CACNA2D3: variants seen among roughly 807,000 people sequenced by gnomAD.
CACNA2D3 encodes the protein voltage-dependent calcium channel subunit alpha-2/delta-3.
A neutral mutation model predicts 160.6 loss-of-function variants in CACNA2D3; 60 were observed. The observed-to-expected ratio is 0.37, with a 90% confidence interval of 0.30 to 0.46. The LOEUF is 0.46. Among genes scored for constraint, CACNA2D3 ranks in the 20% least tolerant of loss-of-function variants. The pLI is 1.00. For synonymous variants in CACNA2D3, 558 were observed against 492.9 expected (o/e 1.13, Z -1.75); for missense variants, 1,205 against 1,365.0 (o/e 0.88, Z 1.85).
intron 11 of CACNA2D3, among the ~76,000 whole-genome samples, chr3:54,655,788 G>A (rs1229787172): frequency 6.6e-6 from 1 of 152,176 alleles, no homozygotes; most frequent in African/African-American, 2.4e-5. Context: ...GAGCCTGTCT[G>A]TATTAGTGAA....
chr3:54,945,830 T>C (rs1918071), intron 27 of CACNA2D3, among the ~76,000 whole-genome samples: 26,369 of 152,142 alleles, frequency 0.17, 2,738 homozygotes, highest in African/African-American at 0.29. Context: ...AGAGAAGTTA[T>C]TTCTGCCAGG....
At chr3:54,302,078 C>T (rs55773956) in intron 2 of CACNA2D3, among the ~76,000 whole-genome samples, 12,775 of 152,256 alleles carry the variant, frequency 0.084, 763 homozygotes, top group South Asian at 0.13. Flanking sequence ...TGTAAGTTAG[C>T]ATTGGTGTGT....
At chr3:54,264,042 G>C (rs1372018997) in intron 2 of CACNA2D3, among the ~76,000 whole-genome samples, 2 of 152,298 alleles carry the variant, frequency 1.3e-5, no homozygotes, top group Non-Finnish European at 2.9e-5. Flanking sequence ...AGAAGGAAGA[G>C]ACCCAGCAGC....
intron 13 of CACNA2D3, among the ~76,000 whole-genome samples, chr3:54,794,794 C>T (rs1702834514): frequency 6.6e-6 from 1 of 152,000 alleles, no homozygotes; most frequent in African/African-American, 2.4e-5. Flanking sequence ...TCCCCTAAAC[C>T]TATGTGCCTT....
chr3:55,018,162 G>A (rs1320336217), intron 34 of CACNA2D3, 44 bp from the exon 35 acceptor site: 2 of 1,273,144 alleles, frequency 1.6e-6, no homozygotes, highest in African/African-American at 1.5e-5. Context: ...TTTTGAGCCT[G>A]TGCCTTGCAT....
At chr3:54,158,869 T>A (rs900929607) in intron 2 of CACNA2D3, among the ~76,000 whole-genome samples, 1 of 152,262 alleles carries the variant, frequency 6.6e-6, no homozygotes, top group Non-Finnish European at 1.5e-5. Flanking sequence ...TCATTTGTCC[T>A]ACCTCTGTGC....
intron 4 of CACNA2D3, among the ~76,000 whole-genome samples, chr3:54,420,386 A>T (rs564605472): frequency 2.6e-5 from 4 of 152,322 alleles, no homozygotes; most frequent in African/African-American, 4.8e-5. Flanking sequence ...CCTTGTCCCT[A>T]TTCAGCTTTT....
At chr3:54,941,017 A>T (rs185480300) in intron 27 of CACNA2D3, among the ~76,000 whole-genome samples, 1 of 145,638 alleles carries the variant, frequency 6.9e-6, no homozygotes, top group East Asian at 2.0e-4. Flanking sequence ...AAAACTTGAT[A>T]AGGCAATCCT....
intron 11 of CACNA2D3, among the ~76,000 whole-genome samples, chr3:54,730,043 T>C (rs1321436388): frequency 6.6e-6 from 1 of 152,072 alleles, no homozygotes; most frequent in Non-Finnish European, 1.5e-5. Context: ...GGAGGCCTTT[T>C]TATTTTCATT....
At chr3:54,269,383 C>A (rs1288339378) in intron 2 of CACNA2D3, among the ~76,000 whole-genome samples, 1 of 152,056 alleles carries the variant, frequency 6.6e-6, no homozygotes, top group African/African-American at 2.4e-5. Context: ...TCCTCTTTCT[C>A]CCATCCCTTT....
chr3:55,031,974 C>A (rs115650260), intron 35 of CACNA2D3, among the ~76,000 whole-genome samples: 33 of 152,208 alleles, frequency 2.2e-4, no homozygotes, highest in Admixed American at 1.1e-3. Flanking sequence ...AGTAGGTTGC[C>A]CCTGCAATCT....
intron 29 of CACNA2D3, among the ~76,000 whole-genome samples, chr3:54,972,527 C>T (rs1473476657): frequency 6.6e-6 from 1 of 151,772 alleles, no homozygotes; most frequent in Non-Finnish European, 1.5e-5. Context: ...CCATTAAAAA[C>T]AGCTGTGGGG....
At chr3:54,778,562 G>A (rs747227343) in intron 13 of CACNA2D3, among the ~76,000 whole-genome samples, 2 of 152,128 alleles carry the variant, frequency 1.3e-5, no homozygotes, top group African/African-American at 2.4e-5. Flanking sequence ...AAAGCATGTA[G>A]CACCATCCTA....
intron 11 of CACNA2D3, 67 bp downstream of exon 11, chr3:54,642,308 G>C: frequency 1.1e-6 from 1 of 872,212 alleles, no homozygotes; most frequent in Non-Finnish European, 1.8e-6. Flanking sequence ...TCTCCAGCTT[G>C]TCCATGAGTA....
intron 9 of CACNA2D3, among the ~76,000 whole-genome samples, chr3:54,625,685 T>C (rs1699082171): frequency 6.6e-6 from 1 of 152,006 alleles, no homozygotes; most frequent in African/African-American, 2.4e-5. Flanking sequence ...CATTCAAAGG[T>C]TTTTACCATG....
At chr3:54,349,012 G>A (rs752317803) in intron 3 of CACNA2D3, among the ~76,000 whole-genome samples, 4 of 152,208 alleles carry the variant, frequency 2.6e-5, no homozygotes, top group East Asian at 1.9e-4. Flanking sequence ...ACAGGCATGA[G>A]CCACTGCGCC....
chr3:54,928,585 G>A (rs1246034822), intron 27 of CACNA2D3, among the ~76,000 whole-genome samples: 1 of 152,128 alleles, frequency 6.6e-6, no homozygotes, highest in Non-Finnish European at 1.5e-5. Context: ...TGTTGACAGG[G>A]TCTTGATGCC....
rs922533919 is a variant in CACNA2D3 at position 54,811,697 on chromosome 3, C to G, written c.1381-5156C>G. 3.9e-5 allele frequency among the ~76,000 whole-genome samples: 6 copies of G among 151,950 alleles called. No individual in the cohort carries two copies. In the South Asian group the frequency reaches 1.3e-3, roughly 32 times the overall value. ...TGTATTTTTAGTAGAGACAGGGTTTCGCCATGTTGGCCATGCTGGTCTCGA... is the reference window on the plus strand; with the variant it reads ...TGTATTTTTAGTAGAGACAGGGTTTGGCCATGTTGGCCATGCTGGTCTCGA... On this transcript the variant is annotated intron_variant, in intron 13 of 37. Transcript: ENST00000474759.
rs1559863338 is a variant in CACNA2D3 at position 54,149,930 on chromosome 3, T to TCTCTCTCTCTCTCTCTCTCC, written c.204+26337_204+26338insTCTCTCTCTCTCTCTCTCCC. On this transcript the variant is annotated intron_variant, in intron 2 of 37. Transcript: ENST00000474759. ...CTCTCTCTCTCTCTCTCTCTCTCTC[T>TCTCTCTCTCTCTCTCTCTCC]CCCTCCCTCCCTCCCTCCCTCCCTC... Among the ~76,000 whole-genome samples the TCTCTCTCTCTCTCTCTCTCC allele has an allele frequency of 8.9e-4, 36 of 40,452 alleles. 2 individuals carry two copies. Among genetic ancestry groups the TCTCTCTCTCTCTCTCTCTCC allele is most frequent in the Non-Finnish European group, 9.8e-4 (22 of 22,520 alleles). 26.5% of individuals were successfully genotyped at this position (40,452 alleles called of 152,430 possible).
Sources: gnomAD v4.1 joint callset for allele counts (sites outside exome capture counted in the v4.1 genomes callset) on GRCh38, gnomAD v4.1.1 for gene constraint, MANE v1.5 for transcripts, NCBI Gene and HGNC (gene_info 2026-07-23, HGNC 2026-07-21) for gene names.